Variants in LRP2 observed in about 807,000 individuals in gnomAD.
LRP2 encodes the protein low-density lipoprotein receptor-related protein 2.
Under a neutral mutation model 531.0 loss-of-function variants are expected in LRP2, and 172 were observed. That is an observed-to-expected ratio of 0.32 (90% CI 0.29 to 0.37). The LOEUF is 0.37. Ranked by LOEUF, LRP2 falls within the 10% of genes least tolerant of loss-of-function variation. The probability of loss-of-function intolerance (pLI) is 1.00; values close to 1 mark genes in which losing one functional copy is unlikely to be tolerated. For synonymous variants in LRP2, 1,992 were observed against 2,027.6 expected (o/e 0.98, Z 0.47); for missense variants, 5,167 against 5,868.3 (o/e 0.88, Z 3.90).
At position 169,338,614 on chromosome 2, in the gene LRP2, T is replaced by G. The variant is rs1368883146; in HGVS notation, c.80-17730A>C. Among the ~76,000 whole-genome samples, 4 of 152,232 alleles carry G rather than the reference T, an allele frequency of 2.6e-5. No individual in the cohort carries two copies. The South Asian group carries it at 8.3e-4, about 32-fold the overall frequency. On this transcript the variant is annotated intron_variant, in intron 1 of 78. Coordinates refer to ENST00000649046, the MANE Select transcript of LRP2 (RefSeq NM_004525.3). The stretch of plus-strand genomic sequence containing the variant: ...CTATTGATTCAACTACTGTTACATA[T>G]GAAATCATTATTTCTCCAAGTATAA...
chr2:169,259,752 A>C (rs1405993010), intron 16 of LRP2, among the ~76,000 whole-genome samples: 1 of 151,992 alleles, frequency 6.6e-6, no homozygotes, highest in Non-Finnish European at 1.5e-5. Context: ...CAACAAAAAA[A>C]AAAAAACGCT....
intron 1 of LRP2, among the ~76,000 whole-genome samples, chr2:169,346,791 G>A (rs1426265528): frequency 6.6e-6 from 1 of 152,136 alleles, no homozygotes; most frequent in African/African-American, 2.4e-5. Context: ...AACTTACCAG[G>A]CACTGATGAA....
rs1479262832 is a variant in LRP2 at position 169,185,999 on chromosome 2, G to T, written c.9349C>A (p.Pro3117Thr). The change falls in exon 50 of 79, where the codon CCT (proline) becomes ACT (threonine). Residue 3117 changes from proline (P) to threonine (T), a missense_variant. Physicochemically the swap from Pro to Thr is conservative, Grantham distance 38 (BLOSUM62 -1). Transcript: ENST00000649046. ...TTGTGATCGCAGCCACTGATTGAAG[G>T]GTCATGGCATTCATTAATGCCTGTA... Reference protein sequence around the residue: ...KGCGINECHDPSISGCDHNCT... With the variant: ...KGCGINECHDTSISGCDHNCT... The T allele has an allele frequency of 6.2e-7, 1 of 1,613,422 alleles. No homozygotes were observed. The highest frequency in any genetic ancestry group is 1.3e-5 in the African/African-American group (1 of 74,816).
At chr2:169,269,237 G>A (rs896077721) in intron 16 of LRP2, among the ~76,000 whole-genome samples, 3 of 152,174 alleles carry the variant, frequency 2.0e-5, no homozygotes, top group African/African-American at 7.2e-5. Context: ...TTTCTTCACA[G>A]AATTGGAAAA....
At chr2:169,214,516 CA>C (rs1688707833) in intron 35 of LRP2, among the ~76,000 whole-genome samples, 3 of 152,248 alleles carry the variant, frequency 2.0e-5, no homozygotes. Context: ...TGCTCTGTGC[CA>C]GGATCTGGGC....
chr2:169,332,199 C>T (rs542932012), intron 1 of LRP2, among the ~76,000 whole-genome samples: 2 of 152,184 alleles, frequency 1.3e-5, no homozygotes, highest in Non-Finnish European at 2.9e-5. Flanking sequence ...GAAATTGACT[C>T]TCAATTGGTA....
rs1239394373 is a variant in LRP2 at position 169,292,284 on chromosome 2, G to C, written c.738C>G (p.Asp246Glu). 1.2e-6 allele frequency: 2 copies of C among 1,613,610 alleles called. No homozygotes were observed. The highest frequency in any genetic ancestry group is 2.7e-5 in the African/African-American group (2 of 74,890). The part of the protein sequence containing the change: ...YQNWVCDGED[D>E]CKDNGDEDGC... Reference sequence around the variant, plus strand: ...CATCTTCATCTCCATTATCTTTACAGTCATCTTCTCCATCACAAACCCAGT... The same window carrying C: ...CATCTTCATCTCCATTATCTTTACACTCATCTTCTCCATCACAAACCCAGT... Residue 246 changes from aspartate to glutamate, a missense_variant, in exon 7 of 79, where the codon GAC (aspartate) becomes GAG (glutamate). Coordinates refer to ENST00000649046, the MANE Select transcript of LRP2 (RefSeq NM_004525.3).
rs1461596411 is a variant in LRP2, at chr2:169,175,263, G to A, written c.10698C>T (p.Thr3566=). Residue 3566 remains threonine (T), a synonymous_variant, in exon 55 of 79, where the codon ACC becomes ACT. Coordinates refer to ENST00000649046, the MANE Select transcript of LRP2 (RefSeq NM_004525.3). ...GAGCATTGCATAAAGTCTGCGGGCT[G>A]GTGCAGTTGCCGTCACTGCACTGGA... ...GQFQCSDGNC[T]SPQTLCNAHQ... The A allele has an allele frequency of 6.2e-6, 10 of 1,614,174 alleles. No homozygotes were observed. The highest frequency in any genetic ancestry group is 8.5e-6 in the Non-Finnish European group (10 of 1,180,038).
chr2:169,214,643 A>G (rs1688712963), intron 35 of LRP2, among the ~76,000 whole-genome samples: 1 of 152,284 alleles, frequency 6.6e-6, no homozygotes, highest in Middle Eastern at 3.4e-3. Flanking sequence ...TTTAGAATAT[A>G]AGAAACATGA....
chr2:169,169,649 A>G, intron 60 of LRP2, 53 bp downstream of exon 60: 3 of 1,389,664 alleles, frequency 2.2e-6, no homozygotes, highest in Non-Finnish European at 1.0e-6. Context: ...TGTCTAAACT[A>G]TCATATCCAT....
chr2:169,297,277 G>A (rs986897486), intron 4 of LRP2, among the ~76,000 whole-genome samples: 5 of 152,126 alleles, frequency 3.3e-5, no homozygotes, highest in African/African-American at 1.2e-4. Flanking sequence ...CTTCCAACTG[G>A]GAGATATCTA....
In LRP2 at chr2:169,192,048, C is replaced by G. The variant is rs200910207; in HGVS notation, c.8831-15G>C. ...GTTTTGATTCTCTGAAACCAAAGCA[C>G]GCAAGAATCAGAAAGCATGAGAGCT... On this transcript the variant is annotated splice_polypyrimidine_tract_variant and intron_variant, in intron 47 of 78. Coordinates refer to ENST00000649046, the MANE Select transcript of LRP2 (RefSeq NM_004525.3). The G allele has an allele frequency of 1.9e-6, 3 of 1,605,156 alleles. No individual in the cohort carries two copies. Among genetic ancestry groups the G allele is most frequent in the African/African-American group, 2.7e-5 (2 of 74,802 alleles).
intron 50 of LRP2, among the ~76,000 whole-genome samples, chr2:169,185,053 C>T (rs1490254736): frequency 6.6e-6 from 1 of 152,126 alleles, no homozygotes; most frequent in African/African-American, 2.4e-5. Context: ...GAGCCACTGC[C>T]CCCGGCCAAT....
intron 44 of LRP2, among the ~76,000 whole-genome samples, chr2:169,200,062 AAC>A (rs1688145940): frequency 2.0e-5 from 3 of 152,148 alleles, no homozygotes; most frequent in Admixed American, 6.5e-5. Context: ...CATCCTGGCT[AAC>A]ATGGTGAAAC....
chr2:169,241,295 G>C lies in LRP2; in HGVS notation c.3738C>G (p.Asn1246Lys), dbSNP rs1291722918. Reference protein sequence around the residue: ...QCQEDGICIPNFWECDGHPDC... With the variant: ...QCQEDGICIPKFWECDGHPDC... ...CTGGATGCCCATCACATTCCCAGAA[G>C]TTCGGGATGCAGATACCATCTTCTT... The change falls in exon 25 of 79, where the codon AAC becomes AAG. Residue 1246 changes from asparagine (N) to lysine (K), a missense_variant. Physicochemically the swap from Asn to Lys is moderately conservative, Grantham distance 94. Around this residue, in one of 6 missense-constraint regions of LRP2, gnomAD observed 2,811 missense variants for 3,058.0 expected, o/e 0.92. Transcript: ENST00000649046. 6.2e-7 allele frequency: 1 copy of C among 1,614,042 alleles called. No individual in the cohort carries two copies. The highest frequency in any genetic ancestry group is 1.3e-5 in the African/African-American group (1 of 74,922).
intron 41 of LRP2, 91 bp downstream of exon 41, chr2:169,205,388 A>C: frequency 7.2e-7 from 1 of 1,387,432 alleles, no homozygotes; most frequent in Non-Finnish European, 1.0e-6. Context: ...CTGGCATGCT[A>C]TATTTTCATC....
In LRP2 at chr2:169,216,378, C is replaced by T. The variant is rs533012078; in HGVS notation, c.5701G>A (p.Ala1901Thr). 11 of 1,613,610 alleles carry T rather than the reference C, an allele frequency of 6.8e-6. No individual in the cohort carries two copies. The East Asian group carries it at 1.6e-4, about 23-fold the overall frequency. The change falls in exon 35 of 79, where the codon GCC (alanine) becomes ACC (threonine). Residue 1901 changes from alanine (A) to threonine (T), a missense_variant. Ala to Thr is a moderately conservative substitution (Grantham distance 58, BLOSUM62 0). Coordinates refer to ENST00000649046, the MANE Select transcript of LRP2 (RefSeq NM_004525.3). ...GATGTGCCATCCATGTTAGCACTGG[C>T]GATCTTGGCAGGAACCCCACTGTCA... ...GTDSGVPAKI[A>T]SANMDGTSVK...
At chr2:169,305,052 G>A (rs918546823) in intron 4 of LRP2, among the ~76,000 whole-genome samples, 14 of 151,982 alleles carry the variant, frequency 9.2e-5, no homozygotes, top group African/African-American at 3.1e-4. Context: ...CGTCACACAT[G>A]TATCCCAGAA....
At chr2:169,168,418 A>T in intron 61 of LRP2, 121 bp downstream of exon 61, 1 of 1,228,228 alleles carries the variant, frequency 8.1e-7, no homozygotes, top group Middle Eastern at 2.2e-4. Flanking sequence ...ACCAACGCTG[A>T]TCCTGTGTCC....
Sources: allele counts gnomAD v4.1 joint callset (sites outside exome capture counted in the v4.1 genomes callset), GRCh38; gene constraint gnomAD v4.1.1; regional missense constraint gnomAD v4.1.1; transcripts MANE v1.5; gene names NCBI Gene and HGNC (gene_info 2026-07-23, HGNC 2026-07-21).